ANKFN1: variants seen among roughly 807,000 people sequenced by gnomAD.
ANKFN1 encodes ankyrin repeat and fibronectin type-III domain-containing protein 1.
In ANKFN1, 74 loss-of-function variants were observed where a neutral mutation model predicts 108.7. The observed-to-expected ratio is 0.68, with a 90% CI of 0.56 to 0.83. ANKFN1 has a LOEUF of 0.83. Among genes scored for constraint, ANKFN1 ranks in the 40% least tolerant of loss-of-function variants. The probability of loss-of-function intolerance (pLI) is 0.00; values close to 1 mark genes in which losing one functional copy is unlikely to be tolerated. For missense variants in ANKFN1, 1,505 were observed against 1,382.3 expected (o/e 1.09, Z -1.41); for synonymous variants, 547 against 516.2 (o/e 1.06, Z -0.81).
At chr17:56,310,454 A>G (rs1459281074) in intron 3 of ANKFN1, among the ~76,000 whole-genome samples, 5 of 152,008 alleles carry the variant, frequency 3.3e-5, no homozygotes, top group African/African-American at 1.2e-4. Context: ...CATCTCCACT[A>G]AAAATACAAA....
upstream of ANKFN1, among the ~76,000 whole-genome samples, chr17:56,149,964 T>C (rs1399601934): frequency 8.0e-6 from 1 of 125,356 alleles, no homozygotes; most frequent in Non-Finnish European, 1.8e-5. Flanking sequence ...GTAGATCTTA[T>C]TATATTATTT....
chr17:56,435,181 G>A (rs1024772704), intron 8 of ANKFN1, among the ~76,000 whole-genome samples: 8 of 152,066 alleles, frequency 5.3e-5, no homozygotes, highest in Admixed American at 4.6e-4. Flanking sequence ...CTGTACCAGC[G>A]TGAAATTCCT....
At chr17:56,502,431 C>G (rs2051403372) in intron 20 of ANKFN1, among the ~76,000 whole-genome samples, 1 of 152,192 alleles carries the variant, frequency 6.6e-6, no homozygotes, top group Non-Finnish European at 1.5e-5. Flanking sequence ...ATATAACGCT[C>G]TCTTGGGTCC....
chr17:56,187,347 A>G (rs998254707), intron 1 of ANKFN1, among the ~76,000 whole-genome samples: 4 of 152,250 alleles, frequency 2.6e-5, no homozygotes, highest in African/African-American at 9.6e-5. Context: ...GCTCATCATC[A>G]CTGGCCATCA....
chr17:56,455,238 T>G (rs956666259), intron 11 of ANKFN1, among the ~76,000 whole-genome samples: 5 of 152,348 alleles, frequency 3.3e-5, no homozygotes, highest in African/African-American at 1.2e-4. Context: ...TGTTGTTTCC[T>G]TCTTTTCTTA....
chr17:56,303,124 T>C (rs2044720174), intron 3 of ANKFN1, among the ~76,000 whole-genome samples: 1 of 152,196 alleles, frequency 6.6e-6, no homozygotes. Flanking sequence ...GATACCAAAT[T>C]TTCAGACAAG....
rs140393175 is a variant in ANKFN1, at chr17:56,516,223, C to T, written c.*4954C>T. Among the ~76,000 whole-genome samples, 5 of 151,960 alleles carry T rather than the reference C, an allele frequency of 3.3e-5. No individual in the cohort carries two copies. The highest frequency in any genetic ancestry group is 3.4e-3 in the Middle Eastern group (1 of 294). On this transcript the variant is annotated 3_prime_UTR_variant, in exon 21 of 21. Coordinates refer to ENST00000682825, the MANE Select transcript of ANKFN1 (RefSeq NM_001370326.1). ...TTGGGGGTATCCATGTATGTGACCACAAGCATCAGTTTGATGTTTGTGATT... is the reference window on the plus strand; with the variant it reads ...TTGGGGGTATCCATGTATGTGACCATAAGCATCAGTTTGATGTTTGTGATT...
At chr17:56,094,741 T>C (rs1348134038) in intron 4 of ANKFN1, among the ~76,000 whole-genome samples, 5 of 149,180 alleles carry the variant, frequency 3.4e-5, no homozygotes, top group Non-Finnish European at 7.5e-5. Flanking sequence ...AGGATGGTCT[T>C]GATCTCCTGA....
At chr17:56,245,374 C>G (rs1215830685) in intron 3 of ANKFN1, among the ~76,000 whole-genome samples, 1 of 152,038 alleles carries the variant, frequency 6.6e-6, no homozygotes, top group Non-Finnish European at 1.5e-5. Flanking sequence ...CAACAGAAGA[C>G]AACTACTTTA....
intron 4 of ANKFN1, among the ~76,000 whole-genome samples, 160 bp from the exon 5 acceptor site, chr17:56,350,606 C>G (rs1281074744): frequency 1.3e-5 from 2 of 152,056 alleles, no homozygotes; most frequent in Non-Finnish European, 2.9e-5. Flanking sequence ...TCAGCTTTCT[C>G]ATTTAAAACA....
intron 3 of ANKFN1, among the ~76,000 whole-genome samples, chr17:56,268,907 T>C (rs1205161499): frequency 6.6e-6 from 1 of 152,154 alleles, no homozygotes; most frequent in Non-Finnish European, 1.5e-5. Flanking sequence ...GCCCTGGAGA[T>C]TTAAGATAAA....
intron 3 of ANKFN1, among the ~76,000 whole-genome samples, chr17:56,280,182 C>T (rs1020984377): frequency 6.6e-5 from 10 of 151,618 alleles, no homozygotes; most frequent in African/African-American, 2.2e-4. Context: ...GCTCATTTTT[C>T]GTCTTTTATG....
intron 4 of ANKFN1, among the ~76,000 whole-genome samples, chr17:56,148,268 T>C (rs1205327939): frequency 6.6e-6 from 1 of 152,198 alleles, no homozygotes; most frequent in Non-Finnish European, 1.5e-5. Context: ...TAACATTTAT[T>C]GCATAGTTAA....
Position 56,492,232 on chromosome 17 carries a change from G to A in ANKFN1, c.2306G>A (p.Arg769His), listed in dbSNP as rs534504337. The stretch of plus-strand genomic sequence containing the variant: ...GAGAAATTTATTAGTCTGTATTGCC[G>A]CCTTTCTGCTGTTGTGGAGCTGGAT... ...YREKFISLYC[R>H]LSAVVELDSL... The change falls in exon 19 of 21, where the codon CGC (arginine) becomes CAC (histidine). Residue 769 changes from arginine (R) to histidine (H), a missense_variant. Transcript: ENST00000682825. The A allele has an allele frequency of 1.7e-5, 12 of 702,398 alleles. No individual in the cohort carries two copies. The highest frequency in any genetic ancestry group is 5.9e-5 in the South Asian group (4 of 67,542). The allele number at this position is 702,398 out of a possible 1,614,324, so 43.5% of individuals were successfully genotyped here.
intron 7 of ANKFN1, among the ~76,000 whole-genome samples, chr17:56,373,121 A>T (rs1296330991): frequency 1.3e-5 from 2 of 152,196 alleles, no homozygotes; most frequent in African/African-American, 2.4e-5. Context: ...GCTACGCCCT[A>T]ATGCCTAATG....
intron 8 of ANKFN1, among the ~76,000 whole-genome samples, chr17:56,378,906 C>T (rs1205061218): frequency 6.6e-6 from 1 of 152,194 alleles, no homozygotes; most frequent in Non-Finnish European, 1.5e-5. Context: ...CATCCTTACT[C>T]ATCCTACTTT....
At chr17:56,477,438 CTTCGAGTTG>C in intron 15 of ANKFN1, 41 bp from the exon 16 acceptor site, 1 of 1,483,250 alleles carries the variant, frequency 6.7e-7, no homozygotes, top group Non-Finnish European at 8.9e-7. Flanking sequence ...TGAGATTGCC[CTTCGAGTTG>C]TTTTCTTGTT....
At chr17:56,397,104 T>A (rs1307324723) in intron 8 of ANKFN1, among the ~76,000 whole-genome samples, 1 of 152,020 alleles carries the variant, frequency 6.6e-6, no homozygotes, top group Non-Finnish European at 1.5e-5. Context: ...AAAGTTAATT[T>A]TATACTCATA....
chr17:56,441,801 T>G (rs1024594161), intron 9 of ANKFN1, among the ~76,000 whole-genome samples: 1 of 152,172 alleles, frequency 6.6e-6, no homozygotes, highest in Non-Finnish European at 1.5e-5. Flanking sequence ...TCTCTATAAC[T>G]TTGAGGGTCA....
Sources: allele counts gnomAD v4.1 joint callset (sites outside exome capture counted in the v4.1 genomes callset), GRCh38; gene constraint gnomAD v4.1.1; transcripts MANE v1.5; gene names NCBI Gene and HGNC (gene_info 2026-07-23, HGNC 2026-07-21).